The following ADAM33 variants were observed in gnomAD, a reference collection of about 807,000 sequenced individuals.
The protein encoded by ADAM33 is disintegrin and metalloproteinase domain-containing protein 33.
In ADAM33, 103 loss-of-function variants were observed where a neutral mutation model predicts 106.2. That is an observed-to-expected ratio of 0.97 (90% CI 0.83 to 1.14). ADAM33 has a LOEUF of 1.14. Among genes scored for constraint, ADAM33 ranks in the 50% most tolerant of loss-of-function variants. The probability of loss-of-function intolerance (pLI) is 0.00; values close to 1 mark genes in which losing one functional copy is unlikely to be tolerated. For synonymous variants in ADAM33, 483 were observed against 453.0 expected (o/e 1.07, Z -0.84); for missense variants, 1,120 against 1,096.6 (o/e 1.02, Z -0.30).
chr20:3,680,289 G>A (rs577397538), intron 1 of ADAM33, among the ~76,000 whole-genome samples: 52 of 152,116 alleles, frequency 3.4e-4, no homozygotes, highest in South Asian at 1.9e-3. Context: ...TCACAGGCCC[G>A]CCCTGCAGGA....
Position 3,670,939 on chromosome 20 carries a change from G to A in ADAM33, c.2240+67C>T, listed in dbSNP as rs947771187. On this transcript the variant is annotated intron_variant, in intron 19 of 21. Coordinates refer to ENST00000356518, the MANE Select transcript of ADAM33 (RefSeq NM_025220.5). The stretch of plus-strand genomic sequence containing the variant: ...CTGAGGGCCTGCCCCAGCTCCCACA[G>A]CCCCAGCAGAGCTCTGAGGAGGGGA... 4.0e-6 allele frequency: 6 copies of A among 1,481,924 alleles called. No homozygotes were observed. The South Asian group carries it at 6.7e-5, about 16-fold the overall frequency. 91.8% of individuals were successfully genotyped at this position (1,481,924 alleles called of 1,614,324 possible).
In ADAM33 at chr20:3,675,696, G is replaced by A. The variant is rs2087896919; in HGVS notation, c.255-591C>T. Among the ~76,000 whole-genome samples, 1 of 152,052 alleles carries A rather than the reference G, an allele frequency of 6.6e-6. No homozygotes were observed. The highest frequency in any genetic ancestry group is 1.9e-4 in the East Asian group (1 of 5,192). On this transcript the variant is annotated intron_variant, in intron 3 of 21. Coordinates refer to ENST00000356518, the MANE Select transcript of ADAM33 (RefSeq NM_025220.5). This position sits in a 1 kb window ranked among gnomAD's most constrained non-coding sequence, Gnocchi z 4.1. ...TGCCCACGCTGCTTCCACCCTCCCT[G>A]CCTTCTCCACACCCACTCCGGTAAT...
intron 13 of ADAM33, 35 bp downstream of exon 13, chr20:3,672,502 C>A (rs3918395): frequency 0.13 from 207,459 of 1,603,666 alleles, 13,902 homozygotes; most frequent in Middle Eastern, 0.2. Context: ...CCCAAGCTCC[C>A]CGAAACCCTC....
intron 16 of ADAM33, 33 bp downstream of exon 16, chr20:3,671,537 GCGGGATTCAAA>G (rs1331125258): frequency 6.2e-7 from 1 of 1,610,890 alleles, no homozygotes; most frequent in South Asian, 1.1e-5. Context: ...ACACTGGCCT[GCGGGATTCAAA>G]CGGCAAGGAG....
At chr20:3,674,024 C>G in intron 8 of ADAM33, 40 bp downstream of exon 8, 1 of 1,613,132 alleles carries the variant, frequency 6.2e-7, no homozygotes, top group Non-Finnish European at 8.5e-7. Flanking sequence ...TGTCCTGCCG[C>G]CGCCACCCCC....
At chr20:3,681,179 C>T (rs1438104479) in intron 1 of ADAM33, among the ~76,000 whole-genome samples, 2 of 152,210 alleles carry the variant, frequency 1.3e-5, no homozygotes, top group Non-Finnish European at 2.9e-5. Context: ...CAGGCACTTG[C>T]TGTGCAGGAC....
At position 3,668,834 on chromosome 20, in the gene ADAM33, G is replaced by T; in HGVS notation, c.*129C>A. 8.5e-7 allele frequency: 1 copy of T among 1,182,926 alleles called. No homozygotes were observed. The highest frequency in any genetic ancestry group is 1.3e-6 in the Non-Finnish European group (1 of 799,542). 73.3% of individuals were successfully genotyped at this position (1,182,926 alleles called of 1,614,324 possible). The stretch of plus-strand genomic sequence containing the variant: ...GTGGGTCGAAGCTCCACTCGGGGAA[G>T]AAACTTCCAAGCTGCCTGCAGGTGC... On this transcript the variant is annotated 3_prime_UTR_variant, in exon 22 of 22. Coordinates refer to ENST00000356518, the MANE Select transcript of ADAM33 (RefSeq NM_025220.5).
chr20:3,678,630 A>G (rs935480531), intron 2 of ADAM33, among the ~76,000 whole-genome samples: 1 of 152,052 alleles, frequency 6.6e-6, no homozygotes, highest in African/African-American at 2.4e-5. Context: ...CTCTTGCTGG[A>G]TTTGGACAGT....
At chr20:3,674,175 T>A in intron 7 of ADAM33, 40 bp from the exon 8 acceptor site, 1 of 1,614,136 alleles carries the variant, frequency 6.2e-7, no homozygotes, top group Non-Finnish European at 8.5e-7. Flanking sequence ...GGGGCTGAGC[T>A]GGCCCCATCC....
In ADAM33 at chr20:3,671,328, AT is replaced by A; in HGVS notation, c.2000del (p.His667LeufsTer150). The A allele has an allele frequency of 6.2e-7, 1 of 1,613,846 alleles. No homozygotes were observed. Among genetic ancestry groups the A allele is most frequent in the Non-Finnish European group, 8.5e-7 (1 of 1,179,926 alleles). ...CHSHGVCNSNHNCHCAPGWAP... is the reference protein window; with the variant it reads ...CHSHGVCNSNXNCHCAPGWAP... The stretch of plus-strand genomic sequence containing the variant: ...CCCAGCCTGGAGCACAGTGGCAGTT[AT>A]GGTTGCTATTGCAAACCTGCAGAGA... On this transcript the variant is annotated frameshift_variant, in exon 18 of 22. Coordinates refer to ENST00000356518, the MANE Select transcript of ADAM33 (RefSeq NM_025220.5). LOFTEE classifies it high-confidence loss of function.
chr20:3,678,511 T>G (rs548822730), intron 2 of ADAM33, among the ~76,000 whole-genome samples: 1 of 151,944 alleles, frequency 6.6e-6, no homozygotes, highest in Non-Finnish European at 1.5e-5. Context: ...GCTTGACCAG[T>G]GGAATGGGGG....
In ADAM33 at chr20:3,673,705, CG is replaced by C. The variant is rs541543652; in HGVS notation, c.905+39del. 1.7e-5 allele frequency: 23 copies of C among 1,367,840 alleles called. No individual in the cohort carries two copies. The East Asian group carries it at 6.6e-4, about 39-fold the overall frequency. The allele number at this position is 1,367,840 out of a possible 1,614,324, so 84.7% of individuals were successfully genotyped here. ...ACCAGGCGGGGCCGGGAGGTGAGGC[CG>C]CCCCACCCGGGACCCGCGTCCGGGT... On this transcript the variant is annotated intron_variant, in intron 9 of 21. Coordinates refer to ENST00000356518, the MANE Select transcript of ADAM33 (RefSeq NM_025220.5).
intron 11 of ADAM33, chr20:3,673,140 C>T (rs1012415883): frequency 2.0e-6 from 3 of 1,480,540 alleles, no homozygotes; most frequent in Admixed American, 4.3e-5. Context: ...GGAGTAACCT[C>T]GCCAGGTTAC....
Position 3,669,588 on chromosome 20 carries a change from T to C in ADAM33, c.2290A>G (p.Met764Val), listed in dbSNP as rs376337160. ...RDHPLGGVHP[M>V]ELGPTATGQP... ...CCAGTGGCTGTGGGGCCCAACTCCA[T>C]GGGGTGAACGCCGCCCAGGGGGTGG... The change falls in exon 20 of 22, where the codon ATG becomes GTG. Residue 764 changes from methionine (M) to valine (V), a missense_variant. Coordinates refer to ENST00000356518, the MANE Select transcript of ADAM33 (RefSeq NM_025220.5). The C allele has an allele frequency of 2.5e-6, 4 of 1,603,544 alleles. No individual in the cohort carries two copies. Among genetic ancestry groups the C allele is most frequent in the Non-Finnish European group, 3.4e-6 (4 of 1,176,150 alleles).
In ADAM33 at chr20:3,671,081, C is replaced by A. The variant is rs753932993; in HGVS notation, c.2165G>T (p.Trp722Leu). ...LPLLPGAGLA[W>L]CCYRLPGAHL... ...GGCTCCTGGGAGTCGGTAGCAACAC[C>A]AGGCCAGGCCGGCCCCTGGGAGCAG... The change falls in exon 19 of 22, where the codon TGG becomes TTG. Residue 722 changes from tryptophan to leucine, a missense_variant. Trp to Leu is a moderately conservative substitution (Grantham distance 61). Transcript: ENST00000356518. 6.3e-7 allele frequency: 1 copy of A among 1,582,672 alleles called. No individual in the cohort carries two copies. The highest frequency in any genetic ancestry group is 1.3e-5 in the African/African-American group (1 of 74,486).
Position 3,671,729 on chromosome 20 carries a change from A to C in ADAM33, c.1757T>G (p.Leu586Arg). 6.3e-7 allele frequency: 1 copy of C among 1,584,540 alleles called. No homozygotes were observed. Among genetic ancestry groups the C allele is most frequent in the Non-Finnish European group, 8.6e-7 (1 of 1,165,008 alleles). ...LQCQGGKPSL[L>R]APHMVPVDST... is the part of the protein sequence containing the mutation. ...GTCCACTGGCACCATGTGCGGTGCGAGCAGGCTGGGCTTTCCACCCTGGCA... is the reference window on the plus strand; with the variant it reads ...GTCCACTGGCACCATGTGCGGTGCGCGCAGGCTGGGCTTTCCACCCTGGCA... The change falls in exon 16 of 22, where the codon CTC becomes CGC. Residue 586 changes from leucine to arginine, a missense_variant. Transcript: ENST00000356518.
chr20:3,672,834 C>T lies in ADAM33; in HGVS notation c.1198G>A (p.Gly400Arg), dbSNP rs769182478. ...GCATTGGAGAGGCAAGCGCCGCCCC[C>T]CTTGCGGAAGAAGGCGCGCAGCTGG... is the stretch of plus-strand genomic sequence containing the variant. ...RRQLRAFFRKGGGACLSNAPD... is the reference protein window; with the variant it reads ...RRQLRAFFRKRGGACLSNAPD... The change falls in exon 12 of 22, where the codon GGG (glycine) becomes AGG (arginine). Residue 400 changes from glycine to arginine, a missense_variant. Physicochemically the swap from Gly to Arg is moderately radical, Grantham distance 125. Coordinates refer to ENST00000356518, the MANE Select transcript of ADAM33 (RefSeq NM_025220.5). The T allele has an allele frequency of 6.3e-7, 1 of 1,576,668 alleles. No homozygotes were observed. Among genetic ancestry groups the T allele is most frequent in the Non-Finnish European group, 8.6e-7 (1 of 1,168,340 alleles).
chr20:3,678,037 C>T (rs1292075774), intron 2 of ADAM33, among the ~76,000 whole-genome samples: 2 of 152,234 alleles, frequency 1.3e-5, no homozygotes, highest in South Asian at 2.1e-4. Context: ...GTTCTTCCTT[C>T]GCAAGTGGGG....
rs1219121829 is a variant in ADAM33 at position 3,675,362 on chromosome 20, G to A, written c.255-257C>T. Among the ~76,000 whole-genome samples, 1 of 152,148 alleles carries A rather than the reference G, an allele frequency of 6.6e-6. No homozygotes were observed. The highest frequency in any genetic ancestry group is 1.9e-4 in the East Asian group (1 of 5,194). On this transcript the variant is annotated intron_variant, in intron 3 of 21. Transcript: ENST00000356518. This position sits in a 1 kb window ranked among gnomAD's most constrained non-coding sequence, Gnocchi z 4.1. ...GCACCAGGGAGGACGCCGGGGAGGAGTGGGAATAGGGGAAGAGTTTGTGGT... is the reference window on the plus strand; with the variant it reads ...GCACCAGGGAGGACGCCGGGGAGGAATGGGAATAGGGGAAGAGTTTGTGGT...
Sources: gnomAD v4.1 joint callset for allele counts (sites outside exome capture counted in the v4.1 genomes callset) on GRCh38, gnomAD v4.1.1 for gene constraint, Gnocchi (gnomAD v3.1) non-coding constraint, MANE v1.5 for transcripts, NCBI Gene and HGNC (gene_info 2026-07-23, HGNC 2026-07-21) for gene names.